The following TCF12 variants were observed in gnomAD, a reference collection of about 807,000 sequenced individuals.
The protein encoded by TCF12 is DNA-binding protein HTF4.
TCF12 carries 45 observed loss-of-function variants against 86.0 expected under a neutral mutation model. The observed-to-expected ratio is 0.52, with a 90% CI of 0.41 to 0.67. The LOEUF (loss-of-function observed/expected upper bound fraction) is 0.67. TCF12 is among the 30% of genes least tolerant of loss of function. TCF12 has a pLI of 0.00. For synonymous variants in TCF12, 330 were observed against 299.6 expected, an observed-to-expected ratio of 1.10 and a Z score of -1.05; for missense variants, 881 against 859.9, an observed-to-expected ratio of 1.02 and a Z score of -0.31.
intron 5 of TCF12, among the ~76,000 whole-genome samples, chr15:57,135,281 G>T (rs1405924453): frequency 2.0e-5 from 3 of 152,050 alleles, no homozygotes; most frequent in African/African-American, 4.8e-5. Context: ...ATTGGAAAAA[G>T]AACTTTTTTT....
chr15:56,927,091 T>C (rs2060048124), intron 3 of TCF12, among the ~76,000 whole-genome samples: 1 of 152,180 alleles, frequency 6.6e-6, no homozygotes, highest in African/African-American at 2.4e-5. Flanking sequence ...TTTCTGTAGG[T>C]AAGAGAAATG....
intron 5 of TCF12, among the ~76,000 whole-genome samples, chr15:57,096,623 T>C (rs1356814029): frequency 6.6e-6 from 1 of 152,160 alleles, no homozygotes; most frequent in African/African-American, 2.4e-5. Context: ...CACAATGTAA[T>C]TGCTGTGTAA....
chr15:57,148,688 C>G (rs1282335465), intron 5 of TCF12, among the ~76,000 whole-genome samples: 1 of 130,804 alleles, frequency 7.6e-6, no homozygotes, highest in Admixed American at 8.3e-5. Context: ...CGAGACCAGC[C>G]TGGGTGACGT....
chr15:57,221,188 TA>T (rs1233630100), intron 8 of TCF12, among the ~76,000 whole-genome samples: 2 of 152,144 alleles, frequency 1.3e-5, no homozygotes, highest in Non-Finnish European at 2.9e-5. Flanking sequence ...TTAAACTCAT[TA>T]AAAAGTGTAT....
intron 3 of TCF12, among the ~76,000 whole-genome samples, chr15:56,970,268 T>C (rs1465897493): frequency 6.6e-6 from 1 of 151,562 alleles, no homozygotes; most frequent in Non-Finnish European, 1.5e-5. Flanking sequence ...GATCACGAGT[T>C]CAGGAGTTCG....
intron 8 of TCF12, among the ~76,000 whole-genome samples, chr15:57,228,303 A>G (rs1041048393): frequency 3.9e-5 from 6 of 152,096 alleles, no homozygotes; most frequent in Admixed American, 3.9e-4. Context: ...TATTTAGCTT[A>G]TTTAGCCTGT....
intron 12 of TCF12, among the ~76,000 whole-genome samples, chr15:57,235,233 T>C (rs1160951073): frequency 6.6e-6 from 1 of 152,192 alleles, no homozygotes; most frequent in East Asian, 1.9e-4. Flanking sequence ...ATTTCAGCTA[T>C]AATTTGAATG....
intron 19 of TCF12, among the ~76,000 whole-genome samples, chr15:57,274,856 T>C (rs2061307918): frequency 6.6e-6 from 1 of 152,268 alleles, no homozygotes; most frequent in South Asian, 2.1e-4. Flanking sequence ...TGCAGTCATT[T>C]GTGTTTTTAA....
intron 3 of TCF12, among the ~76,000 whole-genome samples, chr15:57,018,198 A>G (rs979986270): frequency 5.9e-5 from 9 of 152,232 alleles, no homozygotes; most frequent in Non-Finnish European, 1.2e-4. Context: ...CACATTGATT[A>G]GCAGCAGTTA....
At chr15:57,061,231 T>A (rs2068435827) in intron 3 of TCF12, among the ~76,000 whole-genome samples, 1 of 152,202 alleles carries the variant, frequency 6.6e-6, no homozygotes, top group Non-Finnish European at 1.5e-5. Flanking sequence ...TCTCTTGAAT[T>A]TTGCTTGAGA....
At chr15:56,972,716 A>G (rs2062400236) in intron 3 of TCF12, among the ~76,000 whole-genome samples, 1 of 152,286 alleles carries the variant, frequency 6.6e-6, no homozygotes, top group African/African-American at 2.4e-5. Context: ...ATACCTTTGT[A>G]TATAGTTCTA....
intron 3 of TCF12, among the ~76,000 whole-genome samples, chr15:57,025,648 C>G (rs1305907209): frequency 6.6e-6 from 1 of 152,112 alleles, no homozygotes; most frequent in Non-Finnish European, 1.5e-5. Flanking sequence ...TCTCCAGATG[C>G]AGAGAAGTTG....
intron 5 of TCF12, among the ~76,000 whole-genome samples, chr15:57,140,239 T>C (rs1056124166): frequency 7.2e-5 from 11 of 152,192 alleles, no homozygotes; most frequent in Admixed American, 2.0e-4. Flanking sequence ...GAAAGGAAAT[T>C]CTGACACATG....
chr15:57,169,113 G>C (rs1165745653), intron 6 of TCF12, among the ~76,000 whole-genome samples: 2 of 152,158 alleles, frequency 1.3e-5, no homozygotes, highest in Non-Finnish European at 2.9e-5. Context: ...ATTGATAAAA[G>C]TAACTACAAA....
intron 6 of TCF12, 41 bp from the exon 7 acceptor site, chr15:57,192,117 T>A (rs1376321729): frequency 1.2e-5 from 19 of 1,607,974 alleles, no homozygotes; most frequent in Non-Finnish European, 1.6e-5. Context: ...TGGGTCAGTA[T>A]CAGCAGGAAA....
intron 5 of TCF12, among the ~76,000 whole-genome samples, chr15:57,159,827 TAC>T (rs1484763616): frequency 6.6e-6 from 1 of 152,250 alleles, no homozygotes; most frequent in African/African-American, 2.4e-5. Context: ...TTGGCTTCCA[TAC>T]AAATAGAGAA....
intron 6 of TCF12, among the ~76,000 whole-genome samples, chr15:57,183,300 G>A (rs1323513259): frequency 1.3e-5 from 2 of 152,122 alleles, no homozygotes; most frequent in Non-Finnish European, 2.9e-5. Context: ...ATATATGTTT[G>A]TGTGCTGCTT....
intron 3 of TCF12, among the ~76,000 whole-genome samples, chr15:57,022,255 C>G (rs1389486222): frequency 1.3e-5 from 2 of 151,606 alleles, no homozygotes; most frequent in Non-Finnish European, 2.9e-5. Flanking sequence ...GTGTGATGTT[C>G]CCCATCCTGT....
intron 5 of TCF12, among the ~76,000 whole-genome samples, chr15:57,107,112 C>T (rs150811281): frequency 6.6e-6 from 1 of 152,286 alleles, no homozygotes. Context: ...GTAATATGCA[C>T]ATAGAAGTTT....
Sources: allele counts gnomAD v4.1 joint callset (sites outside exome capture counted in the v4.1 genomes callset), GRCh38; gene constraint gnomAD v4.1.1; transcripts MANE v1.5; gene names NCBI Gene and HGNC (gene_info 2026-07-23, HGNC 2026-07-21).